AP1B1: variants seen among roughly 807,000 people sequenced by gnomAD.
AP1B1 encodes AP-1 complex subunit beta-1.
Under a neutral mutation model 104.3 loss-of-function variants are expected in AP1B1, and 36 were observed. The ratio of observed to expected loss-of-function variants is 0.35; its 90% CI spans 0.26 to 0.46. The LOEUF (loss-of-function observed/expected upper bound fraction) is 0.46, where lower values mean the gene tolerates loss of function less well. AP1B1 is among the 20% of genes least tolerant of loss of function. The pLI, the probability that AP1B1 is intolerant of heterozygous loss-of-function variation, is 1.00. For synonymous variants in AP1B1, 504 were observed against 517.5 expected, an observed-to-expected ratio of 0.97 and a Z score of 0.35; for missense variants, 901 against 1,247.9, an observed-to-expected ratio of 0.72 and a Z score of 4.19.
chr22:29,372,424 C>CAAAAAAA (rs695265), intron 1 of AP1B1, among the ~76,000 whole-genome samples: 2 of 53,274 alleles, frequency 3.8e-5, no homozygotes, highest in Admixed American at 2.1e-4. Flanking sequence ...AACTGGGTCT[C>CAAAAAAA]AAAAAAAAAA....
chr22:29,341,856 T>C, intron 12 of AP1B1, 96 bp from the exon 13 acceptor site: 1 of 1,418,428 alleles, frequency 7.1e-7, no homozygotes, highest in Non-Finnish European at 9.5e-7. Context: ...GGCACAGGGG[T>C]GGCCAATGGG....
chr22:29,328,714 G>A lies in AP1B1; in HGVS notation c.*107C>T. 3 of 1,381,810 alleles carry A rather than the reference G, an allele frequency of 2.2e-6. No homozygotes were observed. The highest frequency in any genetic ancestry group is 2.9e-6 in the Non-Finnish European group (3 of 1,020,494). 85.6% of individuals were successfully genotyped at this position (1,381,810 alleles called of 1,614,324 possible). ...ATCAGGACCAGGGAGCCCACTGAGT[G>A]GCCTGGAGCCCCGCCTGGTCCCTCC... is the stretch of plus-strand genomic sequence containing the variant. On this transcript the variant is annotated 3_prime_UTR_variant, in exon 23 of 23. Coordinates refer to ENST00000357586, the MANE Select transcript of AP1B1 (RefSeq NM_001127.4). The surrounding 1 kb of genome is among the most constrained non-coding windows in gnomAD (Gnocchi z 4.1).
At chr22:29,356,085 G>A (rs2061953154) in intron 6 of AP1B1, among the ~76,000 whole-genome samples, 1 of 152,242 alleles carries the variant, frequency 6.6e-6, no homozygotes, top group African/African-American at 2.4e-5. Context: ...ACTCTAAAGT[G>A]TGGAAAGCAC....
chr22:29,373,718 C>T (rs2062281705), intron 1 of AP1B1, among the ~76,000 whole-genome samples: 1 of 152,070 alleles, frequency 6.6e-6, no homozygotes, highest in Non-Finnish European at 1.5e-5. Context: ...GCCTGGCTAA[C>T]ATGGTGAAAC....
At chr22:29,364,956 G>A (rs1243656546) in intron 2 of AP1B1, among the ~76,000 whole-genome samples, 16 of 152,058 alleles carry the variant, frequency 1.1e-4, no homozygotes, top group African/African-American at 2.4e-4. Context: ...TGATCCACCC[G>A]CCTCAGCCTC....
At chr22:29,335,107 G>A (rs2061619375) in intron 16 of AP1B1, among the ~76,000 whole-genome samples, 1 of 152,192 alleles carries the variant, frequency 6.6e-6, no homozygotes. Context: ...TGAGGGAAAG[G>A]CTCTGTTTTT....
At chr22:29,351,956 G>C in intron 7 of AP1B1, 131 bp from the exon 8 acceptor site, 2 of 1,237,944 alleles carry the variant, frequency 1.6e-6, no homozygotes, top group Non-Finnish European at 2.2e-6. Flanking sequence ...CAGAGTCACT[G>C]CCATGGCTGC....
At chr22:29,357,710 C>T (rs562076667) in intron 5 of AP1B1, among the ~76,000 whole-genome samples, 6 of 104,988 alleles carry the variant, frequency 5.7e-5, no homozygotes, top group Admixed American at 1.1e-4. Flanking sequence ...TTTTTTGAGA[C>T]GGAGTCTAGC....
At chr22:29,338,848 C>T in intron 16 of AP1B1, 142 bp downstream of exon 16, 3 of 1,233,844 alleles carry the variant, frequency 2.4e-6, no homozygotes, top group Middle Eastern at 2.0e-4. Context: ...AGCTCCTCTT[C>T]CTCGGTGCCC....
At position 29,341,764 on chromosome 22, in the gene AP1B1, G is replaced by A. The variant is rs371264692; in HGVS notation, c.1537-4C>T. The A allele has an allele frequency of 1.2e-6, 2 of 1,601,848 alleles. No homozygotes were observed. Among genetic ancestry groups the A allele is most frequent in the African/African-American group, 2.7e-5 (2 of 74,714 alleles). On this transcript the variant is annotated splice_polypyrimidine_tract_variant and splice_region_variant and intron_variant, in intron 12 of 22. Coordinates refer to ENST00000357586, the MANE Select transcript of AP1B1 (RefSeq NM_001127.4). Reference sequence around the variant, plus strand: ...GCAGGTCTGGGTTATCTGAGTCCTTGTGGGGGTGAGGAGAAGCCCATGAAA... The same window carrying A: ...GCAGGTCTGGGTTATCTGAGTCCTTATGGGGGTGAGGAGAAGCCCATGAAA...
At chr22:29,355,865 A>G (rs1287654064) in intron 6 of AP1B1, among the ~76,000 whole-genome samples, 1 of 152,030 alleles carries the variant, frequency 6.6e-6, no homozygotes, top group East Asian at 1.9e-4. Context: ...GCCAAAAAAA[A>G]AAAAAAAAAG....
intron 11 of AP1B1, among the ~76,000 whole-genome samples, chr22:29,348,094 G>C (rs1307922582): frequency 6.6e-6 from 1 of 152,166 alleles, no homozygotes; most frequent in Non-Finnish European, 1.5e-5. Flanking sequence ...AAATGAGAGG[G>C]CAGTGTAGAT....
intron 16 of AP1B1, 110 bp downstream of exon 16, chr22:29,338,880 A>C: frequency 6.9e-7 from 1 of 1,459,112 alleles, no homozygotes. Context: ...AGCTTCCCTC[A>C]TCACTGCTGG....
At chr22:29,331,585 A>T (rs1352792202) in intron 18 of AP1B1, 52 bp from the exon 19 acceptor site, 11 of 1,603,592 alleles carry the variant, frequency 6.9e-6, no homozygotes, top group Non-Finnish European at 8.5e-6. Context: ...GCCACCTCTG[A>T]GGCCCCAGGA....
intron 16 of AP1B1, 124 bp downstream of exon 16, chr22:29,338,866 C>T (rs767795659): frequency 1.6e-5 from 22 of 1,369,844 alleles, no homozygotes; most frequent in Non-Finnish European, 2.0e-5. Context: ...CCCCTGTGGC[C>T]CCCAGCTTCC....
chr22:29,347,238 T>C (rs769494816), intron 11 of AP1B1, among the ~76,000 whole-genome samples: 14 of 152,150 alleles, frequency 9.2e-5, no homozygotes, highest in Non-Finnish European at 1.8e-4. Context: ...CCGGAACCAG[T>C]TGGTCCCCTT....
chr22:29,379,810 G>A (rs945389638), intron 1 of AP1B1, among the ~76,000 whole-genome samples: 1 of 152,246 alleles, frequency 6.6e-6, no homozygotes, highest in Non-Finnish European at 1.5e-5. Context: ...TGTGACAACG[G>A]AGGGAACTGA....
chr22:29,365,458 C>T (rs1412771427), intron 2 of AP1B1, among the ~76,000 whole-genome samples: 1 of 152,126 alleles, frequency 6.6e-6, no homozygotes, highest in Non-Finnish European at 1.5e-5. Flanking sequence ...TCCCATTGCA[C>T]TCCAGCCTGG....
Position 29,350,106 on chromosome 22 carries a change from C to T in AP1B1, c.1200G>A (p.Gln400=). The change falls in exon 10 of 23, where the codon CAG becomes CAA. Residue 400 remains glutamine, a synonymous_variant. Transcript: ENST00000357586. ...CCTGGACCACATAGTTGACCTTGGT[C>T]TGGATGAGGTCGAGCAGCGTGCTCA... ...RCVSTLLDLI[Q]TKVNYVVQEA... 6.2e-7 allele frequency: 1 copy of T among 1,614,214 alleles called. No homozygotes were observed. The highest frequency in any genetic ancestry group is 8.5e-7 in the Non-Finnish European group (1 of 1,180,036).
Sources: allele counts gnomAD v4.1 joint callset (sites outside exome capture counted in the v4.1 genomes callset), GRCh38; gene constraint gnomAD v4.1.1; non-coding constraint Gnocchi (gnomAD v3.1); transcripts MANE v1.5; gene names NCBI Gene and HGNC (gene_info 2026-07-23, HGNC 2026-07-21).